Variants in ULK4 observed in about 807,000 individuals in gnomAD.
ULK4 encodes unc-51 like kinase 4.
In ULK4, 133 loss-of-function variants were observed where a neutral mutation model predicts 160.6. The ratio of observed to expected loss-of-function variants is 0.83; its 90% CI spans 0.72 to 0.96. The LOEUF (loss-of-function observed/expected upper bound fraction) is 0.96. ULK4 is among the 40% of genes least tolerant of loss of function. The pLI, the probability that ULK4 is intolerant of heterozygous loss-of-function variation, is 0.00. For synonymous variants in ULK4, 534 were observed against 539.8 expected (o/e 0.99, Z 0.15); for missense variants, 1,580 against 1,499.5 (o/e 1.05, Z -0.89).
intron 31 of ULK4, among the ~76,000 whole-genome samples, chr3:41,588,752 G>C (rs938449787): frequency 3.9e-5 from 6 of 152,030 alleles, no homozygotes; most frequent in African/African-American, 1.4e-4. Context: ...AAAACTTAAG[G>C]TTACAGTTGA....
intron 27 of ULK4, among the ~76,000 whole-genome samples, chr3:41,699,456 T>C (rs2125819655): frequency 6.6e-6 from 1 of 152,358 alleles, no homozygotes; most frequent in South Asian, 2.1e-4. Context: ...AAAGAAGTCA[T>C]CTTTATTTCC....
At chr3:41,755,904 G>A (rs191404596) in intron 21 of ULK4, among the ~76,000 whole-genome samples, 150 of 152,226 alleles carry the variant, frequency 9.9e-4, no homozygotes, top group Middle Eastern at 6.8e-3. Context: ...GAAATAATTA[G>A]AATTAGAAGA....
intron 34 of ULK4, among the ~76,000 whole-genome samples, chr3:41,412,553 ATTTTTTT>A (rs57224854): frequency 1.0e-4 from 10 of 100,452 alleles, no homozygotes; most frequent in African/African-American, 1.2e-4. Context: ...ATGCAGTTGA[ATTTTTTT>A]TTTTTTTTTT....
intron 22 of ULK4, among the ~76,000 whole-genome samples, chr3:41,749,042 TGC>T (rs2038522860): frequency 6.6e-6 from 1 of 152,228 alleles, no homozygotes; most frequent in Admixed American, 6.5e-5. Context: ...TGATTCAACT[TGC>T]GATTTTATGA....
rs372214331 is a variant in ULK4, at chr3:41,935,892, T to C, written c.287A>G (p.Asp96Gly). The C allele has an allele frequency of 8.6e-5, 139 of 1,613,974 alleles. No homozygotes were observed. The African/African-American group carries it at 1.7e-3, about 20-fold the overall frequency. ...GTCAATTCCAAATTCTCTCACAACA[T>C]CTTCTGGGAGGTTTTCATCTTGAGC... Reference protein sequence around the residue: ...VIAQDENLPEDVVREFGIDLI... With the variant: ...VIAQDENLPEGVVREFGIDLI... The change falls in exon 4 of 37, where the codon GAT becomes GGT. Residue 96 changes from aspartate to glycine, a missense_variant. Physicochemically the swap from Asp to Gly is moderately conservative, Grantham distance 94. Transcript: ENST00000301831.
intron 30 of ULK4, among the ~76,000 whole-genome samples, chr3:41,640,093 T>C (rs898928083): frequency 2.0e-5 from 3 of 152,166 alleles, no homozygotes; most frequent in Middle Eastern, 3.2e-3. Flanking sequence ...TGTGTTAACA[T>C]AATCATCATC....
intron 35 of ULK4, among the ~76,000 whole-genome samples, chr3:41,307,203 C>A (rs1012728576): frequency 2.6e-4 from 39 of 150,364 alleles, no homozygotes; most frequent in Non-Finnish European, 4.6e-4. Flanking sequence ...GAAGGTGCAG[C>A]AGCAGAAAAA....
intron 25 of ULK4, among the ~76,000 whole-genome samples, chr3:41,708,324 G>A (rs1323071073): frequency 1.3e-5 from 2 of 152,010 alleles, no homozygotes; most frequent in Non-Finnish European, 1.5e-5. Flanking sequence ...TTTTAAATGT[G>A]GCAAATATAC....
intron 29 of ULK4, among the ~76,000 whole-genome samples, chr3:41,668,079 G>A (rs190950783): frequency 1.3e-5 from 2 of 152,314 alleles, no homozygotes; most frequent in East Asian, 3.9e-4. Context: ...GAAGGAAAGT[G>A]TCTCCAATTT....
intron 35 of ULK4, among the ~76,000 whole-genome samples, chr3:41,344,752 CAAA>C (rs59466358): frequency 8.0e-5 from 5 of 62,812 alleles, no homozygotes; most frequent in Non-Finnish European, 1.2e-4. Context: ...GACTCTGTCT[CAAA>C]AAAAAAAAAA....
chr3:41,826,760 A>G (rs974922144), intron 18 of ULK4, among the ~76,000 whole-genome samples: 2 of 149,436 alleles, frequency 1.3e-5, no homozygotes, highest in Non-Finnish European at 2.9e-5. Flanking sequence ...CGAGACAGAA[A>G]GTTAACAAGG....
At chr3:41,828,758 C>G (rs145897424) in intron 18 of ULK4, among the ~76,000 whole-genome samples, 4 of 151,938 alleles carry the variant, frequency 2.6e-5, no homozygotes, top group African/African-American at 9.7e-5. Flanking sequence ...CCCCATCAAG[C>G]TACCAATGAC....
intron 35 of ULK4, among the ~76,000 whole-genome samples, chr3:41,251,702 G>A (rs184718751): frequency 6.6e-6 from 1 of 152,304 alleles, no homozygotes; most frequent in Admixed American, 6.5e-5. Flanking sequence ...CAGTGGTAGT[G>A]GGGACAGAGG....
chr3:41,688,379 C>T (rs1336923701), intron 27 of ULK4, among the ~76,000 whole-genome samples: 1 of 152,106 alleles, frequency 6.6e-6, no homozygotes, highest in Non-Finnish European at 1.5e-5. Flanking sequence ...CATAGTGGAA[C>T]CCCCATCCCT....
chr3:41,284,853 A>G (rs1437828023), intron 35 of ULK4, among the ~76,000 whole-genome samples: 1 of 152,226 alleles, frequency 6.6e-6, no homozygotes, highest in African/African-American at 2.4e-5. Context: ...CATCTGACAA[A>G]GGACTAATAT....
intron 35 of ULK4, among the ~76,000 whole-genome samples, chr3:41,289,875 G>GTA (rs1559506859): frequency 5.9e-5 from 9 of 151,490 alleles, no homozygotes; most frequent in African/African-American, 2.2e-4. Flanking sequence ...ATGTATGTAT[G>GTA]TGTGTGTGTG....
intron 5 of ULK4, among the ~76,000 whole-genome samples, chr3:41,927,257 A>G (rs952623568): frequency 6.6e-6 from 1 of 152,224 alleles, no homozygotes; most frequent in Non-Finnish European, 1.5e-5. Flanking sequence ...AAGCTTCATA[A>G]GCGAAGGAGA....
At chr3:41,959,922 A>C (rs565929716) in intron 1 of ULK4, among the ~76,000 whole-genome samples, 142 of 152,346 alleles carry the variant, frequency 9.3e-4, no homozygotes, top group Non-Finnish European at 1.8e-3. Flanking sequence ...AAGTGTTCAC[A>C]AATTGTCTAC....
chr3:41,353,699 T>TTAC (rs4016416), intron 35 of ULK4, among the ~76,000 whole-genome samples: 5,961 of 143,912 alleles, frequency 0.041, 155 homozygotes, highest in South Asian at 0.051. Flanking sequence ...ATAATTACAA[T>TTAC]TACTACTACT....
Sources: gnomAD v4.1 joint callset for allele counts (sites outside exome capture counted in the v4.1 genomes callset) on GRCh38, gnomAD v4.1.1 for gene constraint, MANE v1.5 for transcripts, NCBI Gene and HGNC (gene_info 2026-07-23, HGNC 2026-07-21) for gene names.